The following RAB3C variants were observed in gnomAD, a reference collection of about 807,000 sequenced individuals.
The protein encoded by RAB3C is RAB3C, member RAS oncogene family, also known as ras-related protein Rab-3C.
A neutral mutation model predicts 26.4 loss-of-function variants in RAB3C; 17 were observed. That is an observed-to-expected ratio of 0.64 (90% confidence interval 0.44 to 0.97). RAB3C has a LOEUF of 0.97. Ranked by LOEUF, RAB3C falls within the 50% of genes least tolerant of loss-of-function variation. The pLI is 0.00. For missense variants in RAB3C, 242 were observed against 281.9 expected (o/e 0.86, Z 1.01); for synonymous variants, 91 against 95.9 (o/e 0.95, Z 0.30).
intron 3 of RAB3C, among the ~76,000 whole-genome samples, chr5:58,781,800 AC>A (rs2112002593): frequency 6.6e-6 from 1 of 151,880 alleles, no homozygotes; most frequent in Admixed American, 6.6e-5. Flanking sequence ...TCTCCATCCC[AC>A]CCTGAACCAA....
chr5:58,741,118 G>A (rs1341342804), intron 3 of RAB3C, among the ~76,000 whole-genome samples: 5 of 152,274 alleles, frequency 3.3e-5, no homozygotes, highest in African/African-American at 9.6e-5. Flanking sequence ...AGAACCAGCC[G>A]GAAAGATAGA....
chr5:58,780,921 A>G (rs1186824075), intron 3 of RAB3C, among the ~76,000 whole-genome samples: 1 of 152,018 alleles, frequency 6.6e-6, no homozygotes, highest in Non-Finnish European at 1.5e-5. Context: ...CTACTATGAT[A>G]TATTTAGTAT....
intron 3 of RAB3C, among the ~76,000 whole-genome samples, chr5:58,805,235 C>A (rs1334034903): frequency 6.6e-6 from 1 of 151,954 alleles, no homozygotes; most frequent in African/African-American, 2.4e-5. Flanking sequence ...ATATATAATG[C>A]TTTTATAGCA....
intron 1 of RAB3C, among the ~76,000 whole-genome samples, chr5:58,604,901 T>G (rs1433946354): frequency 2.0e-5 from 3 of 152,216 alleles, no homozygotes; most frequent in Admixed American, 6.5e-5. Context: ...TTTTAACCGC[T>G]GCTCCTCTGG....
intron 2 of RAB3C, among the ~76,000 whole-genome samples, chr5:58,644,197 A>G (rs1451688897): frequency 6.7e-6 from 1 of 149,648 alleles, no homozygotes. Context: ...ACAACAAAAC[A>G]TTCTATTAAT....
intron 3 of RAB3C, chr5:58,784,610 C>G (rs907790625): frequency 1.7e-5 from 1 of 57,420 alleles, no homozygotes; most frequent in African/African-American, 8.0e-5. Context: ...AACTAATAAC[C>G]AATAAATGAT....
intron 3 of RAB3C, among the ~76,000 whole-genome samples, chr5:58,737,377 C>T (rs1477782426): frequency 8.9e-6 from 1 of 112,204 alleles, no homozygotes; most frequent in African/African-American, 3.2e-5. Context: ...TTTTTCACAG[C>T]ATTTATCACC....
intron 4 of RAB3C, among the ~76,000 whole-genome samples, chr5:58,828,315 T>C (rs1743535739): frequency 6.6e-6 from 1 of 152,256 alleles, no homozygotes; most frequent in Non-Finnish European, 1.5e-5. Context: ...CATTTGATCC[T>C]TTGAGCACCC....
intron 3 of RAB3C, among the ~76,000 whole-genome samples, chr5:58,770,009 G>T (rs1741999756): frequency 6.6e-6 from 1 of 152,124 alleles, no homozygotes; most frequent in African/African-American, 2.4e-5. Flanking sequence ...CATGATCATT[G>T]TAATTATCTT....
At chr5:58,690,912 A>C (rs1748557563) in intron 2 of RAB3C, among the ~76,000 whole-genome samples, 2 of 152,288 alleles carry the variant, frequency 1.3e-5, no homozygotes, top group East Asian at 3.9e-4. Context: ...AAATCCAGTT[A>C]CCACATTTAA....
At chr5:58,621,683 C>A (rs924427651) in intron 2 of RAB3C, among the ~76,000 whole-genome samples, 6 of 152,174 alleles carry the variant, frequency 3.9e-5, no homozygotes, top group African/African-American at 1.4e-4. Context: ...TCAAGCAATT[C>A]TCCAGCCTCA....
intron 4 of RAB3C, among the ~76,000 whole-genome samples, chr5:58,835,602 A>G (rs1315091201): frequency 6.6e-6 from 1 of 152,194 alleles, no homozygotes; most frequent in Non-Finnish European, 1.5e-5. Context: ...TCTTAGAATG[A>G]TCTTCCAAGC....
intron 2 of RAB3C, among the ~76,000 whole-genome samples, chr5:58,658,521 A>G (rs1420222297): frequency 1.3e-5 from 2 of 152,238 alleles, no homozygotes; most frequent in Non-Finnish European, 2.9e-5. Context: ...AAATTATGCC[A>G]TGGTTAATGA....
intron 2 of RAB3C, among the ~76,000 whole-genome samples, chr5:58,652,770 C>G (rs1178902898): frequency 6.6e-6 from 1 of 150,464 alleles, no homozygotes; most frequent in African/African-American, 2.4e-5. Flanking sequence ...TGTGCCAGTA[C>G]CTTGGCTTTA....
chr5:58,810,393 G>C (rs146945987), intron 3 of RAB3C, among the ~76,000 whole-genome samples: 6,254 of 98,344 alleles, frequency 0.064, 161 homozygotes, highest in Middle Eastern at 0.12. Flanking sequence ...CTCTGTGTGT[G>C]TGTGTGTGTG....
At chr5:58,729,218 C>A (rs888131033) in intron 3 of RAB3C, among the ~76,000 whole-genome samples, 1 of 151,924 alleles carries the variant, frequency 6.6e-6, no homozygotes, top group Non-Finnish European at 1.5e-5. Flanking sequence ...CAATACAATA[C>A]AATATATGCA....
chr5:58,586,592 T>C (rs1746013364), intron 1 of RAB3C, among the ~76,000 whole-genome samples: 1 of 152,160 alleles, frequency 6.6e-6, no homozygotes, highest in Non-Finnish European at 1.5e-5. Flanking sequence ...AGGACCAAAG[T>C]GGAATTCATT....
At chr5:58,780,794 G>A (rs1183423958) in intron 3 of RAB3C, among the ~76,000 whole-genome samples, 1 of 152,008 alleles carries the variant, frequency 6.6e-6, no homozygotes, top group Non-Finnish European at 1.5e-5. Flanking sequence ...TTAGGTGGAG[G>A]TTTTCAAACC....
At chr5:58,724,716 G>A (rs1160905845) in intron 2 of RAB3C, among the ~76,000 whole-genome samples, 1 of 151,328 alleles carries the variant, frequency 6.6e-6, no homozygotes, top group Admixed American at 6.6e-5. Context: ...TTGCAGAACT[G>A]CAATATAAAA....
Sources: gnomAD v4.1 joint callset for allele counts (sites outside exome capture counted in the v4.1 genomes callset) on GRCh38, gnomAD v4.1.1 for gene constraint, MANE v1.5 for transcripts, NCBI Gene and HGNC (gene_info 2026-07-23, HGNC 2026-07-21) for gene names.